TAFA1: variants seen among roughly 807,000 people sequenced by gnomAD.
The protein encoded by TAFA1 is chemokine-like protein TAFA-1.
TAFA1 carries 4 observed loss-of-function variants against 18.5 expected under a neutral mutation model. The ratio of observed to expected loss-of-function variants is 0.22; its 90% CI spans 0.11 to 0.49. The LOEUF is 0.49. TAFA1 is among the 20% of genes least tolerant of loss of function. The pLI is 0.98. For missense variants in TAFA1, 147 were observed against 169.0 expected, an observed-to-expected ratio of 0.87 and a Z score of 0.72; for synonymous variants, 56 against 55.2, an observed-to-expected ratio of 1.01 and a Z score of -0.06.
At chr3:68,355,884 C>T (rs1336577926) in intron 2 of TAFA1, among the ~76,000 whole-genome samples, 1 of 152,008 alleles carries the variant, frequency 6.6e-6, no homozygotes, top group Non-Finnish European at 1.5e-5. Context: ...GCAAGTTGTA[C>T]GGCAAACTGG....
At chr3:68,026,498 G>T (rs138557915) in intron 2 of TAFA1, among the ~76,000 whole-genome samples, 100 of 152,078 alleles carry the variant, frequency 6.6e-4, no homozygotes, top group African/African-American at 2.3e-3. Flanking sequence ...AAAACTAATG[G>T]AGCCTTTATC....
intron 3 of TAFA1, among the ~76,000 whole-genome samples, chr3:68,533,635 G>A (rs940487387): frequency 6.6e-6 from 1 of 152,192 alleles, no homozygotes; most frequent in Non-Finnish European, 1.5e-5. Flanking sequence ...ACATAGAGCA[G>A]AGGAAGAAGT....
At chr3:68,312,027 C>T (rs975685582) in intron 2 of TAFA1, among the ~76,000 whole-genome samples, 1 of 152,222 alleles carries the variant, frequency 6.6e-6, no homozygotes, top group Non-Finnish European at 1.5e-5. Context: ...AGGCTCAACA[C>T]CGTGTGGAAG....
intron 3 of TAFA1, among the ~76,000 whole-genome samples, chr3:68,469,157 T>A (rs1458399047): frequency 6.6e-6 from 1 of 151,480 alleles, no homozygotes; most frequent in East Asian, 1.9e-4. Context: ...TGAAGATTAA[T>A]ATTTAAAACA....
chr3:68,204,659 A>G (rs1357161857), intron 2 of TAFA1, among the ~76,000 whole-genome samples: 1 of 151,856 alleles, frequency 6.6e-6, no homozygotes, highest in African/African-American at 2.4e-5. Context: ...AGAGATTAAA[A>G]GCAACAATCA....
intron 2 of TAFA1, among the ~76,000 whole-genome samples, chr3:68,246,632 A>C (rs577071294): frequency 2.0e-5 from 3 of 148,746 alleles, no homozygotes; most frequent in East Asian, 3.9e-4. Flanking sequence ...AAAATTGAGA[A>C]GGTAACTACG....
chr3:68,060,167 A>AAAGTCCACCATTGC, intron 2 of TAFA1, among the ~76,000 whole-genome samples: 1 of 151,694 alleles, frequency 6.6e-6, no homozygotes, highest in Non-Finnish European at 1.5e-5. Flanking sequence ...CATCACCTCA[A>AAAGTCCACCATTGC]AAGTCCACCA....
chr3:68,157,994 A>G (rs2106933900), intron 2 of TAFA1, among the ~76,000 whole-genome samples: 1 of 152,288 alleles, frequency 6.6e-6, no homozygotes, highest in African/African-American at 2.4e-5. Flanking sequence ...GGATTTAACA[A>G]GTTCCAGAGA....
chr3:68,111,053 G>A (rs1033294027), intron 2 of TAFA1, among the ~76,000 whole-genome samples: 1 of 152,158 alleles, frequency 6.6e-6, no homozygotes, highest in African/African-American at 2.4e-5. Context: ...AGCTGCTAGG[G>A]CATAGCTGCC....
chr3:68,437,924 A>G (rs2071294020), intron 3 of TAFA1, among the ~76,000 whole-genome samples: 1 of 152,138 alleles, frequency 6.6e-6, no homozygotes, highest in Admixed American at 6.5e-5. Flanking sequence ...TGTGAAATCA[A>G]AACAAGGCAT....
At chr3:68,372,076 A>G (rs1237904933) in intron 2 of TAFA1, among the ~76,000 whole-genome samples, 2 of 152,256 alleles carry the variant, frequency 1.3e-5, no homozygotes, top group Non-Finnish European at 2.9e-5. Context: ...ACACATAGAA[A>G]GTATTTGATA....
intron 3 of TAFA1, among the ~76,000 whole-genome samples, chr3:68,521,543 G>C (rs1371295938): frequency 1.3e-5 from 2 of 152,132 alleles, no homozygotes; most frequent in African/African-American, 4.8e-5. Context: ...GGAAATAGGA[G>C]CACAATACCA....
At chr3:68,391,633 G>A (rs936454796) in intron 2 of TAFA1, among the ~76,000 whole-genome samples, 2 of 152,152 alleles carry the variant, frequency 1.3e-5, no homozygotes, top group African/African-American at 4.8e-5. Context: ...ACCCACAAAG[G>A]GAAGCCCACC....
chr3:68,014,167 A>G (rs1225089330), intron 2 of TAFA1, among the ~76,000 whole-genome samples: 2 of 152,242 alleles, frequency 1.3e-5, no homozygotes, highest in Non-Finnish European at 2.9e-5. Flanking sequence ...ATTGATTCAC[A>G]TACTTTCAAG....
chr3:68,267,136 T>C (rs1328208985), intron 2 of TAFA1, among the ~76,000 whole-genome samples: 1 of 152,218 alleles, frequency 6.6e-6, no homozygotes, highest in Non-Finnish European at 1.5e-5. Context: ...TTGTGTAAAC[T>C]GGTCTATAGG....
chr3:68,417,622 A>T, intron 3 of TAFA1: 1 of 578,588 alleles, frequency 1.7e-6, no homozygotes, highest in Admixed American at 3.3e-5. Flanking sequence ...CCCAAAAAAT[A>T]GATGTTGAAA....
chr3:68,315,876 G>C (rs2068597496), intron 2 of TAFA1, among the ~76,000 whole-genome samples: 1 of 152,192 alleles, frequency 6.6e-6, no homozygotes. Flanking sequence ...TAATGTGGTT[G>C]ACAAATGGGT....
intron 3 of TAFA1, among the ~76,000 whole-genome samples, chr3:68,519,435 C>A (rs935736519): frequency 6.6e-6 from 1 of 152,084 alleles, no homozygotes; most frequent in Non-Finnish European, 1.5e-5. Flanking sequence ...TTATAATATC[C>A]CAAATGGACA....
intron 2 of TAFA1, among the ~76,000 whole-genome samples, chr3:68,041,552 G>T (rs763857081): frequency 3.9e-5 from 6 of 152,112 alleles, no homozygotes; most frequent in African/African-American, 7.2e-5. Context: ...GGGTTGAAAA[G>T]GTTTGGAAAC....
Sources: allele counts gnomAD v4.1 joint callset (sites outside exome capture counted in the v4.1 genomes callset), GRCh38; gene constraint gnomAD v4.1.1; transcripts MANE v1.5; gene names NCBI Gene and HGNC (gene_info 2026-07-23, HGNC 2026-07-21).